Variants in ISX observed in about 807,000 individuals in gnomAD.
ISX encodes the protein intestine specific homeobox, also known as intestine-specific homeobox.
ISX carries 15 observed loss-of-function variants against 16.9 expected under a neutral mutation model. That is an observed-to-expected ratio of 0.89 (90% confidence interval 0.59 to 1.36). ISX has a LOEUF of 1.36. ISX is among the 40% of genes most tolerant of loss of function. ISX has a pLI of 0.00. For synonymous variants in ISX, 125 were observed against 119.7 expected (o/e 1.04, Z -0.29); for missense variants, 316 against 306.1 (o/e 1.03, Z -0.24).
Position 35,085,479 on chromosome 22 carries a change from T to C in ISX, c.524T>C (p.Leu175Pro). 1 of 1,614,226 alleles carries C rather than the reference T, an allele frequency of 6.2e-7. No individual in the cohort carries two copies. The change falls in exon 5 of 5, where the codon CTG becomes CCG. Residue 175 changes from leucine to proline, a missense_variant. Leu to Pro is a moderately conservative substitution (Grantham distance 98). Transcript: ENST00000404699. ...VAGPTWTSTALRRLAPPTSCC... is the reference protein window; with the variant it reads ...VAGPTWTSTAPRRLAPPTSCC... The stretch of plus-strand genomic sequence containing the variant: ...GGGCCCACGTGGACATCCACTGCTC[T>C]GCGCAGGCTGGCTCCTCCCACGAGC...
chr22:35,084,333 T>C, intron 3 of ISX, 50 bp from the exon 4 acceptor site: 1 of 1,215,720 alleles, frequency 8.2e-7, no homozygotes, highest in South Asian at 1.3e-5. Context: ...GAAGTGGTAT[T>C]AGATGGAGGA....
At position 35,086,003 on chromosome 22, in the gene ISX, G is replaced by A; in HGVS notation, c.*310G>A. The A allele has an allele frequency of 2.4e-6, 1 of 414,964 alleles. No individual in the cohort carries two copies. The highest frequency in any genetic ancestry group is 2.3e-5 in the South Asian group (1 of 43,550). 25.7% of individuals were successfully genotyped at this position (414,964 alleles called of 1,614,324 possible). A position where few individuals can be genotyped will look rare whatever the true frequency, so the allele number is the denominator to read the frequency against. ...GCACCTGTGTTTCCTCTAACTTGCT[G>A]TGTGACCTCCAGCCGGTCACTCACC... On this transcript the variant is annotated 3_prime_UTR_variant, in exon 5 of 5. Coordinates refer to ENST00000404699, the MANE Select transcript of ISX (RefSeq NM_001303508.2).
intron 2 of ISX, among the ~76,000 whole-genome samples, chr22:35,074,519 AG>A (rs1413021641): frequency 2.0e-5 from 3 of 152,190 alleles, no homozygotes; most frequent in African/African-American, 7.2e-5. Flanking sequence ...ACTCCTTGTA[AG>A]GAGGCAGTTG....
intron 2 of ISX, among the ~76,000 whole-genome samples, chr22:35,078,779 C>G (rs1929054071): frequency 6.6e-6 from 1 of 152,226 alleles, no homozygotes; most frequent in Non-Finnish European, 1.5e-5. Context: ...TGGTGGCTTC[C>G]CAGAGAGAAA....
intron 3 of ISX, 126 bp from the exon 4 acceptor site, chr22:35,084,257 T>C: frequency 1.6e-6 from 1 of 619,450 alleles, no homozygotes; most frequent in Non-Finnish European, 2.8e-6. Flanking sequence ...ACATCCTGGA[T>C]GCCACAGAGC....
chr22:35,072,266 C>T (rs1928873604), intron 2 of ISX, among the ~76,000 whole-genome samples: 1 of 152,078 alleles, frequency 6.6e-6, no homozygotes, highest in South Asian at 2.1e-4. Flanking sequence ...ATGGCCCCTA[C>T]CTGCAAAAAA....
intron 2 of ISX, among the ~76,000 whole-genome samples, chr22:35,070,636 T>A (rs533747948): frequency 6.6e-6 from 1 of 152,282 alleles, no homozygotes; most frequent in South Asian, 2.1e-4. Context: ...CACTGAGTGC[T>A]TACTCTGGGC....
Position 35,084,505 on chromosome 22 carries a change from T to C in ISX, c.498+6T>C, listed in dbSNP as rs763894445. On this transcript the variant is annotated splice_donor_region_variant and intron_variant, in intron 4 of 4. Coordinates refer to ENST00000404699, the MANE Select transcript of ISX (RefSeq NM_001303508.2). ...CCACAAATCTGGATGTGGCTGTAAG[T>C]GGCTGAGGCCTCAAGGTAGGGTGGA... 25 of 1,591,056 alleles carry C rather than the reference T, an allele frequency of 1.6e-5. No individual in the cohort carries two copies. The highest frequency in any genetic ancestry group is 2.1e-5 in the Non-Finnish European group (24 of 1,160,898).
rs1929275081 is a variant in ISX, at chr22:35,087,158, G to A, written c.*1465G>A. On this transcript the variant is annotated 3_prime_UTR_variant, in exon 5 of 5. Coordinates refer to ENST00000404699, the MANE Select transcript of ISX (RefSeq NM_001303508.2). Reference sequence around the variant, plus strand: ...CAGAACTACAGACAACAGCCCACAGGATGCAAAAGTGCTTTGCCATCTTAA... The same window carrying A: ...CAGAACTACAGACAACAGCCCACAGAATGCAAAAGTGCTTTGCCATCTTAA... 1 of 152,222 alleles carries A rather than the reference G, an allele frequency of 6.6e-6. No homozygotes were observed. The highest frequency in any genetic ancestry group is 2.4e-5 in the African/African-American group (1 of 41,446). The allele number at this position is 152,222 out of a possible 1,614,324, so 9.4% of individuals were successfully genotyped here. A position where few individuals can be genotyped will look rare whatever the true frequency, so the allele number is the denominator to read the frequency against.
chr22:35,076,932 C>T (rs1928996941), intron 2 of ISX, among the ~76,000 whole-genome samples: 2 of 152,200 alleles, frequency 1.3e-5, no homozygotes, highest in South Asian at 2.1e-4. Flanking sequence ...CTCCATCCCC[C>T]TCCACTGTTG....
At chr22:35,076,469 G>A (rs763754823) in intron 2 of ISX, among the ~76,000 whole-genome samples, 215 of 152,278 alleles carry the variant, frequency 1.4e-3, no homozygotes, top group Non-Finnish European at 1.5e-3. Flanking sequence ...TGAGGCCAGC[G>A]CAGGTGGGCC....
intron 2 of ISX, among the ~76,000 whole-genome samples, chr22:35,068,909 C>T (rs772764662): frequency 4.6e-5 from 7 of 152,224 alleles, no homozygotes; most frequent in Admixed American, 2.6e-4. Context: ...CCCACAAAAA[C>T]TATGTGAGTA....
At chr22:35,069,500 C>T (rs1332598492) in intron 2 of ISX, among the ~76,000 whole-genome samples, 2 of 152,206 alleles carry the variant, frequency 1.3e-5, no homozygotes, top group Non-Finnish European at 2.9e-5. Flanking sequence ...TCTCCCAGCT[C>T]TGACATGCCA....
intron 2 of ISX, among the ~76,000 whole-genome samples, chr22:35,069,722 C>G (rs1400290941): frequency 6.6e-6 from 1 of 152,170 alleles, no homozygotes; most frequent in African/African-American, 2.4e-5. Flanking sequence ...TCTCTACTTC[C>G]CTGTTTTACG....
intron 2 of ISX, among the ~76,000 whole-genome samples, chr22:35,076,120 T>G (rs1364823802): frequency 3.3e-5 from 5 of 152,020 alleles, no homozygotes; most frequent in Non-Finnish European, 5.9e-5. Context: ...AAATACCTAT[T>G]GTGTTTCAAC....
chr22:35,067,073 C>A lies in ISX; in HGVS notation c.-15C>A, dbSNP rs753011847. ...ACCCTCCTTGGCCTACACAGAGTCA[C>A]CCCTGAGCCCCTCAATGTGTGCTGA... On this transcript the variant is annotated 5_prime_UTR_variant, in exon 2 of 5. Coordinates refer to ENST00000404699, the MANE Select transcript of ISX (RefSeq NM_001303508.2). The A allele has an allele frequency of 2.5e-6, 4 of 1,604,224 alleles. No homozygotes were observed. In the South Asian group the frequency reaches 3.3e-5, roughly 13 times the overall value.
chr22:35,082,653 C>A lies in ISX; in HGVS notation c.365C>A (p.Pro122Gln), dbSNP rs748706716. 9.3e-6 allele frequency: 15 copies of A among 1,614,146 alleles called. No individual in the cohort carries two copies. In the East Asian group the frequency reaches 3.1e-4, roughly 34 times the overall value. Residue 122 changes from proline to glutamine, a missense_variant, in exon 3 of 5, where the codon CCA becomes CAA. Transcript: ENST00000404699. ...CAGCTGGCAGCCAGGATCAACCTCC[C>A]AGAAGCTCGGGTGCAGGTACAGCCA... ...RSQLAARINLPEARVQIWFQN... is the reference protein window; with the variant it reads ...RSQLAARINLQEARVQIWFQN...
chr22:35,082,514 G>A lies in ISX; in HGVS notation c.230-4G>A. 1 of 1,613,928 alleles carries A rather than the reference G, an allele frequency of 6.2e-7. No individual in the cohort carries two copies. Among genetic ancestry groups the A allele is most frequent in the Non-Finnish European group, 8.5e-7 (1 of 1,179,884 alleles). On this transcript the variant is annotated splice_region_variant and splice_polypyrimidine_tract_variant and intron_variant, in intron 2 of 4. Coordinates refer to ENST00000404699, the MANE Select transcript of ISX (RefSeq NM_001303508.2). Reference sequence around the variant, plus strand: ...TGACACAACTTGGACCCTCTCCCATGCAGAAGGAAGGAAGAGCAAGCGGAG... The same window carrying A: ...TGACACAACTTGGACCCTCTCCCATACAGAAGGAAGGAAGAGCAAGCGGAG...
intron 2 of ISX, among the ~76,000 whole-genome samples, chr22:35,074,319 C>A (rs1928927145): frequency 6.6e-6 from 1 of 152,222 alleles, no homozygotes; most frequent in Admixed American, 6.5e-5. Flanking sequence ...GTGGCTGGAG[C>A]AGCTGTGTGT....
Sources: allele counts gnomAD v4.1 joint callset (sites outside exome capture counted in the v4.1 genomes callset), GRCh38; gene constraint gnomAD v4.1.1; transcripts MANE v1.5; gene names NCBI Gene and HGNC (gene_info 2026-07-23, HGNC 2026-07-21).